ITSN1: variants seen among roughly 807,000 people sequenced by gnomAD.
ITSN1 encodes intersectin-1.
ITSN1 carries 58 observed loss-of-function variants against 239.8 expected under a neutral mutation model. That is an observed-to-expected ratio of 0.24 (90% CI 0.20 to 0.30). ITSN1 has a LOEUF of 0.30. ITSN1 is among the 10% of genes least tolerant of loss of function. ITSN1 has a pLI of 1.00. For synonymous variants in ITSN1, 780 were observed against 770.8 expected, an observed-to-expected ratio of 1.01 and a Z score of -0.20; for missense variants, 1,558 against 2,103.3, an observed-to-expected ratio of 0.74 and a Z score of 5.07.
chr21:33,784,356 A>ACACACACAC, intron 16 of ITSN1, among the ~76,000 whole-genome samples: 1 of 100,866 alleles, frequency 9.9e-6, no homozygotes, highest in Middle Eastern at 5.3e-3. Flanking sequence ...CACACACACT[A>ACACACACAC]GTCAGGTATG....
At chr21:33,655,546 G>A (rs560557403) in intron 1 of ITSN1, among the ~76,000 whole-genome samples, 15 of 151,152 alleles carry the variant, frequency 9.9e-5, no homozygotes, top group African/African-American at 3.6e-4. Flanking sequence ...TCAGCCCCCA[G>A]AGTGGGTAGG....
chr21:33,723,755 G>A (rs2065647661), intron 4 of ITSN1, among the ~76,000 whole-genome samples: 1 of 152,186 alleles, frequency 6.6e-6, no homozygotes, highest in Non-Finnish European at 1.5e-5. Flanking sequence ...AATGGTTATA[G>A]TTTTGTGAGA....
intron 20 of ITSN1, among the ~76,000 whole-genome samples, chr21:33,810,516 T>C (rs890911850): frequency 6.6e-6 from 1 of 152,206 alleles, no homozygotes; most frequent in African/African-American, 2.4e-5. Flanking sequence ...CTTGTCCTTA[T>C]ACTGAATAAA....
At chr21:33,736,708 G>A (rs1308448466) in intron 5 of ITSN1, among the ~76,000 whole-genome samples, 2 of 152,210 alleles carry the variant, frequency 1.3e-5, no homozygotes, top group African/African-American at 4.8e-5. Context: ...GTTTGGGGTC[G>A]AACACAGTGG....
intron 14 of ITSN1, 81 bp from the exon 15 acceptor site, chr21:33,781,380 G>T: frequency 1.3e-6 from 1 of 772,316 alleles, no homozygotes; most frequent in South Asian, 1.6e-5. Flanking sequence ...TGAGAAAACT[G>T]ACTTAAGCTC....
intron 1 of ITSN1, among the ~76,000 whole-genome samples, chr21:33,669,585 A>C (rs1409846358): frequency 1.3e-5 from 2 of 151,948 alleles, no homozygotes; most frequent in African/African-American, 2.4e-5. Context: ...AATTACAGGC[A>C]TGCGCCACCA....
chr21:33,670,871 A>G (rs1052393571), intron 1 of ITSN1, among the ~76,000 whole-genome samples: 5 of 152,244 alleles, frequency 3.3e-5, no homozygotes, highest in East Asian at 1.9e-4. Flanking sequence ...TCAAATATCA[A>G]GAAGGGCATT....
chr21:33,881,810 A>C (rs1377321816), intron 34 of ITSN1, among the ~76,000 whole-genome samples: 2 of 151,990 alleles, frequency 1.3e-5, no homozygotes, highest in African/African-American at 4.8e-5. Flanking sequence ...GGGAGACCCC[A>C]TCTCTACAAA....
Position 33,790,727 on chromosome 21 carries a change from G to T in ITSN1, c.1825-3614G>T, listed in dbSNP as rs115655119. Among the ~76,000 whole-genome samples, 631 of 152,246 alleles carry T rather than the reference G, an allele frequency of 4.1e-3. 9 individuals carry two copies. The highest frequency in any genetic ancestry group is 0.014 in the African/African-American group (602 of 41,556). On this transcript the variant is annotated intron_variant, in intron 16 of 39. Coordinates refer to ENST00000381318, the MANE Select transcript of ITSN1 (RefSeq NM_003024.3). ...ATGTGGATTTAATAGAATTTGCAGG[G>T]TCATTTAAATCAAGTTGCCTACCAG...
chr21:33,784,496 C>T (rs1377975713), intron 16 of ITSN1, among the ~76,000 whole-genome samples: 1 of 152,124 alleles, frequency 6.6e-6, no homozygotes, highest in Non-Finnish European at 1.5e-5. Context: ...GAGTGAGACC[C>T]TGTCTCAAAA....
intron 31 of ITSN1, among the ~76,000 whole-genome samples, chr21:33,859,800 T>A (rs1390017302): frequency 6.6e-6 from 1 of 152,174 alleles, no homozygotes; most frequent in Non-Finnish European, 1.5e-5. Flanking sequence ...GTCTGCTGGC[T>A]TGGTGCTCTA....
intron 4 of ITSN1, among the ~76,000 whole-genome samples, chr21:33,723,554 C>CA (rs897738206): frequency 6.6e-6 from 1 of 152,040 alleles, no homozygotes; most frequent in African/African-American, 2.4e-5. Context: ...GCAGAGCTTG[C>CA]AGTGAGCCGA....
At chr21:33,748,678 G>C (rs8129602) in intron 5 of ITSN1, among the ~76,000 whole-genome samples, 1 of 148,602 alleles carries the variant, frequency 6.7e-6, no homozygotes. Context: ...CATCTCTACC[G>C]CCCCACCAAA....
chr21:33,856,617 A>C, intron 29 of ITSN1, 119 bp from the exon 30 acceptor site: 1 of 1,434,254 alleles, frequency 7.0e-7, no homozygotes, highest in Non-Finnish European at 9.6e-7. Flanking sequence ...ATTTCAGCCC[A>C]TGACCCCACT....
At chr21:33,781,615 C>G (rs558442338) in intron 15 of ITSN1, 67 bp downstream of exon 15, 88 of 919,592 alleles carry the variant, frequency 9.6e-5, no homozygotes, top group Middle Eastern at 5.2e-4. Context: ...GAGTCTCACT[C>G]TGTCCCCCAG....
At chr21:33,675,132 A>G (rs185101587) in intron 1 of ITSN1, among the ~76,000 whole-genome samples, 5 of 152,236 alleles carry the variant, frequency 3.3e-5, no homozygotes, top group African/African-American at 7.2e-5. Flanking sequence ...ATATCATTAG[A>G]TGTAATTCTG....
At chr21:33,755,261 A>G (rs898225915) in intron 7 of ITSN1, 36 bp from the exon 8 acceptor site, 1 of 1,298,728 alleles carries the variant, frequency 7.7e-7, no homozygotes, top group Admixed American at 1.9e-5. Flanking sequence ...TTCCTTATGG[A>G]TAATCCTCTT....
At chr21:33,818,799 A>G (rs914563161) in intron 23 of ITSN1, among the ~76,000 whole-genome samples, 1 of 152,220 alleles carries the variant, frequency 6.6e-6, no homozygotes, top group Non-Finnish European at 1.5e-5. Context: ...TACCAGATAT[A>G]TGTGAATACT....
intron 1 of ITSN1, among the ~76,000 whole-genome samples, chr21:33,700,093 T>C (rs1274893722): frequency 1.3e-5 from 2 of 151,778 alleles, no homozygotes; most frequent in Admixed American, 6.6e-5. Flanking sequence ...TGTTTTGTTT[T>C]TTTTTGGAGA....
Sources: allele counts gnomAD v4.1 joint callset (sites outside exome capture counted in the v4.1 genomes callset), GRCh38; gene constraint gnomAD v4.1.1; transcripts MANE v1.5; gene names NCBI Gene and HGNC (gene_info 2026-07-23, HGNC 2026-07-21).